FRAS1: variants seen among roughly 807,000 people sequenced by gnomAD.
FRAS1 encodes the protein extracellular matrix organizing protein FRAS1.
A neutral mutation model predicts 435.2 loss-of-function variants in FRAS1; 290 were observed. The ratio of observed to expected loss-of-function variants is 0.67; its 90% confidence interval spans 0.61 to 0.73. The LOEUF (loss-of-function observed/expected upper bound fraction) is 0.73. Among genes scored for constraint, FRAS1 ranks in the 30% least tolerant of loss-of-function variants. The pLI is 0.00. For synonymous variants in FRAS1, 1,800 were observed against 1,851.0 expected, an observed-to-expected ratio of 0.97 and a Z score of 0.71; for missense variants, 4,860 against 5,001.5, an observed-to-expected ratio of 0.97 and a Z score of 0.85.
chr4:78,216,927 T>C (rs1022524536), intron 2 of FRAS1, among the ~76,000 whole-genome samples: 5 of 152,166 alleles, frequency 3.3e-5, no homozygotes, highest in Non-Finnish European at 7.4e-5. Context: ...TAAGGACACG[T>C]AGGGGATAAG....
intron 1 of FRAS1, among the ~76,000 whole-genome samples, chr4:78,065,075 T>TACAC (rs1298827017): frequency 8.6e-6 from 1 of 115,744 alleles, no homozygotes; most frequent in Non-Finnish European, 1.8e-5. Flanking sequence ...TATATATATA[T>TACAC]ATATATATAC....
Position 78,452,157 on chromosome 4 carries a change from T to G in FRAS1, c.6584-18T>G. On this transcript the variant is annotated intron_variant, in intron 46 of 73. Coordinates refer to ENST00000512123, the MANE Select transcript of FRAS1 (RefSeq NM_025074.7). ...CTGAGAAGATCCCATTTCAAATCAC[T>G]ATTTCTGATATTTTCAGAAGACAAA... 1 of 1,610,338 alleles carries G rather than the reference T, an allele frequency of 6.2e-7. No individual in the cohort carries two copies.
chr4:78,295,490 G>T (rs1022250323), intron 14 of FRAS1, among the ~76,000 whole-genome samples: 6 of 151,934 alleles, frequency 3.9e-5, no homozygotes, highest in Non-Finnish European at 7.4e-5. Flanking sequence ...ACCTATTTTG[G>T]GGATTCTTAT....
intron 68 of FRAS1, among the ~76,000 whole-genome samples, chr4:78,521,907 A>G (rs1477367758): frequency 6.6e-6 from 1 of 152,188 alleles, no homozygotes; most frequent in African/African-American, 2.4e-5. Context: ...GATCACTTCT[A>G]CGATATTTAG....
intron 2 of FRAS1, among the ~76,000 whole-genome samples, chr4:78,216,470 A>G (rs537091232): frequency 2.6e-4 from 39 of 152,368 alleles, no homozygotes; most frequent in African/African-American, 9.1e-4. Context: ...GATTTCATGA[A>G]TGAGCCAACT....
At chr4:78,140,487 C>T (rs1324660069) in intron 2 of FRAS1, among the ~76,000 whole-genome samples, 7 of 152,138 alleles carry the variant, frequency 4.6e-5, no homozygotes, top group African/African-American at 1.7e-4. Flanking sequence ...CACCTCTGAA[C>T]CACAGTTTCT....
At chr4:78,285,725 A>G (rs1196630926) in intron 13 of FRAS1, among the ~76,000 whole-genome samples, 1 of 152,046 alleles carries the variant, frequency 6.6e-6, no homozygotes, top group Non-Finnish European at 1.5e-5. Context: ...AGCCACTGCC[A>G]CCTGGTATCT....
intron 2 of FRAS1, among the ~76,000 whole-genome samples, chr4:78,191,533 TC>T (rs1358820793): frequency 0.011 from 412 of 37,772 alleles, 2 homozygotes; most frequent in African/African-American, 0.023. Context: ...TGTATTATTT[TC>T]TTTTTTTTTT....
chr4:78,461,380 G>A (rs979598145), intron 47 of FRAS1, among the ~76,000 whole-genome samples: 5 of 152,104 alleles, frequency 3.3e-5, no homozygotes, highest in South Asian at 2.1e-4. Context: ...AGACCGCCTC[G>A]GGTTTCAATT....
intron 29 of FRAS1, among the ~76,000 whole-genome samples, chr4:78,389,102 C>A (rs1458212838): frequency 6.6e-6 from 1 of 152,160 alleles, no homozygotes; most frequent in Non-Finnish European, 1.5e-5. Flanking sequence ...ATGGCTCTCA[C>A]ACTTTAGGAA....
chr4:78,072,039 G>T (rs1416294058), intron 2 of FRAS1: 1 of 148,688 alleles, frequency 6.7e-6, no homozygotes, highest in African/African-American at 2.5e-5. Context: ...TGTTGTCGTG[G>T]TTTTTTTTTT....
intron 6 of FRAS1, among the ~76,000 whole-genome samples, chr4:78,256,054 A>C (rs2110138376): frequency 6.6e-6 from 1 of 152,334 alleles, no homozygotes; most frequent in African/African-American, 2.4e-5. Flanking sequence ...TCCAGTCAAA[A>C]AATAGCTCAT....
intron 26 of FRAS1, among the ~76,000 whole-genome samples, chr4:78,376,148 A>T (rs1461682697): frequency 6.6e-6 from 1 of 152,250 alleles, no homozygotes; most frequent in Non-Finnish European, 1.5e-5. Flanking sequence ...AAACTTAGCT[A>T]AGTTCCTGAA....
chr4:78,275,038 T>C (rs924524486), intron 9 of FRAS1, among the ~76,000 whole-genome samples: 3 of 152,244 alleles, frequency 2.0e-5, no homozygotes, highest in African/African-American at 7.2e-5. Context: ...TTAGCTCTTC[T>C]TGTTGAATTG....
chr4:78,285,632 G>A (rs7687027), intron 13 of FRAS1, among the ~76,000 whole-genome samples: 6,849 of 151,804 alleles, frequency 0.045, 540 homozygotes, highest in African/African-American at 0.15. Flanking sequence ...GGGTTTTGCC[G>A]TGTTGGCCAG....
At chr4:78,151,843 A>G (rs1720678826) in intron 2 of FRAS1, among the ~76,000 whole-genome samples, 1 of 152,172 alleles carries the variant, frequency 6.6e-6, no homozygotes, top group Non-Finnish European at 1.5e-5. Flanking sequence ...GTGGATTTCT[A>G]GAGCCTTCAT....
chr4:78,397,343 G>A (rs1732711880), intron 29 of FRAS1, among the ~76,000 whole-genome samples: 1 of 152,188 alleles, frequency 6.6e-6, no homozygotes, highest in African/African-American at 2.4e-5. Context: ...CAAGCAGGGT[G>A]CTGAGAGCCT....
chr4:78,106,055 C>T (rs532142352), intron 2 of FRAS1, among the ~76,000 whole-genome samples: 60 of 129,594 alleles, frequency 4.6e-4, no homozygotes, highest in African/African-American at 9.4e-4. Flanking sequence ...TAAGAAACGG[C>T]GCACCACGAG....
At position 78,387,293 on chromosome 4, in the gene FRAS1, A is replaced by T. The variant is rs1347843475; in HGVS notation, c.3649-82A>T. 9.8e-6 allele frequency: 10 copies of T among 1,015,774 alleles called. No homozygotes were observed. The East Asian group carries it at 2.4e-4, about 24-fold the overall frequency. 62.9% of individuals were successfully genotyped at this position (1,015,774 alleles called of 1,614,324 possible). A position where few individuals can be genotyped will look rare whatever the true frequency, so the allele number is the denominator to read the frequency against. ...ACACTTAGAGTTTCTCAAAAAGTAT[A>T]GGAATAACAATCAGGTATCTAGTCC... On this transcript the variant is annotated intron_variant, in intron 28 of 73. Coordinates refer to ENST00000512123, the MANE Select transcript of FRAS1 (RefSeq NM_025074.7).
Sources: allele counts gnomAD v4.1 joint callset (sites outside exome capture counted in the v4.1 genomes callset), GRCh38; gene constraint gnomAD v4.1.1; transcripts MANE v1.5; gene names NCBI Gene and HGNC (gene_info 2026-07-23, HGNC 2026-07-21).